Variants in CLN8 observed in about 807,000 individuals in gnomAD.
CLN8 encodes protein CLN8.
In CLN8, 14 loss-of-function variants were observed where a neutral mutation model predicts 15.7. The ratio of observed to expected loss-of-function variants is 0.89; its 90% confidence interval spans 0.59 to 1.39. The LOEUF (loss-of-function observed/expected upper bound fraction) is 1.39. CLN8 is among the 40% of genes most tolerant of loss of function. The pLI is 0.00. For missense variants in CLN8, 415 were observed against 364.0 expected (o/e 1.14, Z -1.14); for synonymous variants, 188 against 151.0 (o/e 1.25, Z -1.80).
chr8:1,766,538 C>G (rs1200487968), intron 1 of CLN8, among the ~76,000 whole-genome samples: 1 of 152,004 alleles, frequency 6.6e-6, no homozygotes, highest in South Asian at 2.1e-4. Context: ...TACAGGCGCT[C>G]GCCATCACGC....
chr8:1,779,418 T>C (rs1356516956), intron 2 of CLN8, among the ~76,000 whole-genome samples: 5 of 152,216 alleles, frequency 3.3e-5, no homozygotes, highest in Non-Finnish European at 7.3e-5. Flanking sequence ...AATTTTTTTG[T>C]ATTTTTATTA....
At chr8:1,761,713 A>G (rs987694428), upstream of CLN8, among the ~76,000 whole-genome samples, 2 of 152,246 alleles carry the variant, frequency 1.3e-5, no homozygotes, top group Non-Finnish European at 2.9e-5. Context: ...ATGAAATCGT[A>G]TGGATCAAAG....
At chr8:1,771,891 G>T (rs562300695) in intron 2 of CLN8, among the ~76,000 whole-genome samples, 1 of 151,644 alleles carries the variant, frequency 6.6e-6, no homozygotes, top group Non-Finnish European at 1.5e-5. Flanking sequence ...AGTAGATAGC[G>T]TCTGGAAGCA....
At chr8:1,755,611 G>T (rs955441914), upstream of CLN8, among the ~76,000 whole-genome samples, 1 of 152,182 alleles carries the variant, frequency 6.6e-6, no homozygotes, top group Non-Finnish European at 1.5e-5. Flanking sequence ...ATCACAACCG[G>T]TCTGCCCAGA....
At position 1,771,164 on chromosome 8, in the gene CLN8, G is replaced by C. The variant is rs1315551175; in HGVS notation, c.110G>C (p.Gly37Ala). 6.2e-7 allele frequency: 1 copy of C among 1,614,074 alleles called. No individual in the cohort carries two copies. Among genetic ancestry groups the C allele is most frequent in the East Asian group, 2.2e-5 (1 of 44,846 alleles). ...LMVAGFVFYL[G>A]VFVVCHQLSS... ...GTCGCTGGCTTTGTCTTCTACTTGG[G>C]CGTCTTTGTGGTCTGCCACCAGCTG... Residue 37 changes from glycine (G) to alanine (A), a missense_variant, in exon 2 of 3, where the codon GGC becomes GCC. Transcript: ENST00000331222.
chr8:1,780,791 G>A lies in CLN8; in HGVS notation c.*224G>A, dbSNP rs1034875391. The A allele has an allele frequency of 1.7e-5, 10 of 595,224 alleles. No individual in the cohort carries two copies. The highest frequency in any genetic ancestry group is 1.3e-4 in the South Asian group (6 of 47,830). The allele number at this position is 595,224 out of a possible 1,614,324, so 36.9% of individuals were successfully genotyped here. A position where few individuals can be genotyped will look rare whatever the true frequency, so the allele number is the denominator to read the frequency against. ...TCTGGCAGGCTCTGTCAGTTTAGCC[G>A]CGCCGGACCGTGTCAAGCATCTAGG... On this transcript the variant is annotated 3_prime_UTR_variant, in exon 3 of 3. Coordinates refer to ENST00000331222, the MANE Select transcript of CLN8 (RefSeq NM_018941.4).
chr8:1,775,268 T>C (rs887110045), intron 2 of CLN8, among the ~76,000 whole-genome samples: 1 of 152,216 alleles, frequency 6.6e-6, no homozygotes. Context: ...GCTTAGGTTA[T>C]ATGCACATAC....
chr8:1,766,113 C>G (rs918435756), intron 1 of CLN8, among the ~76,000 whole-genome samples: 3 of 152,194 alleles, frequency 2.0e-5, no homozygotes, highest in African/African-American at 2.4e-5. Context: ...AACACTCTTA[C>G]TGATGTGTTT....
At chr8:1,760,013 G>C (rs1265026877), upstream of CLN8, 1 of 152,110 alleles carries the variant, frequency 6.6e-6, no homozygotes, top group Non-Finnish European at 1.5e-5. Flanking sequence ...ACCTCACAAT[G>C]AGCGTATATT....
intron 1 of CLN8, among the ~76,000 whole-genome samples, chr8:1,768,706 C>T (rs886103186): frequency 5.3e-5 from 8 of 152,144 alleles, no homozygotes; most frequent in African/African-American, 1.7e-4. Context: ...TGCTGGTAAG[C>T]GGTCTCCCCT....
At chr8:1,773,270 G>C (rs1801385305) in intron 2 of CLN8, among the ~76,000 whole-genome samples, 1 of 152,160 alleles carries the variant, frequency 6.6e-6, no homozygotes, top group Non-Finnish European at 1.5e-5. Flanking sequence ...AAGTGAATGA[G>C]GGTGAGTGAG....
At chr8:1,758,525 C>G (rs1800722969) in intron 1 of CLN8, 1 of 152,334 alleles carries the variant, frequency 6.6e-6, no homozygotes, top group East Asian at 1.9e-4. Context: ...CCTGCCACCT[C>G]CATGACGTCA....
At position 1,756,836 on chromosome 8, in the gene CLN8, C is replaced by T. The variant is rs1264105879; in HGVS notation, c.-124+754C>T. Among the ~76,000 whole-genome samples, 7 of 152,092 alleles carry T rather than the reference C, an allele frequency of 4.6e-5. 1 individual carries two copies. The highest frequency in any genetic ancestry group is 2.6e-4 in the Admixed American group (4 of 15,272). On this transcript the variant is annotated intron_variant, in intron 1 of 1. Transcript: ENST00000524258. ...TAGCTAGGATTACAGGCAACCACCACCACACCTGGTTAATTTTTGTATTTT... is the reference window on the plus strand; with the variant it reads ...TAGCTAGGATTACAGGCAACCACCATCACACCTGGTTAATTTTTGTATTTT...
intron 2 of CLN8, among the ~76,000 whole-genome samples, chr8:1,778,883 G>A (rs1488828109): frequency 6.6e-6 from 1 of 152,190 alleles, no homozygotes; most frequent in Admixed American, 6.5e-5. Flanking sequence ...CCCACCATAA[G>A]TTAAAAATAT....
chr8:1,769,646 C>T (rs1008325147), intron 1 of CLN8, among the ~76,000 whole-genome samples: 2 of 152,220 alleles, frequency 1.3e-5, no homozygotes, highest in South Asian at 2.1e-4. Context: ...GGTTTCCTGC[C>T]GTGTAAAAGG....
At chr8:1,764,903 G>T (rs370721714) in intron 1 of CLN8, among the ~76,000 whole-genome samples, 1 of 152,214 alleles carries the variant, frequency 6.6e-6, no homozygotes, top group East Asian at 1.9e-4. Context: ...TAACTATCCA[G>T]CTTCTGCTTA....
intron 1 of CLN8, chr8:1,764,435 T>G (rs1352689002): frequency 1.3e-5 from 2 of 152,302 alleles, no homozygotes; most frequent in Non-Finnish European, 2.9e-5. Flanking sequence ...TCAGCTCACC[T>G]GTGTGCCCAC....
chr8:1,773,252 G>A (rs1801384931), intron 2 of CLN8, among the ~76,000 whole-genome samples: 1 of 152,180 alleles, frequency 6.6e-6, no homozygotes, highest in South Asian at 2.1e-4. Flanking sequence ...GCACCTCGGA[G>A]TTAAGGCAAG....
At chr8:1,780,105 A>G in intron 2 of CLN8, 145 bp from the exon 3 acceptor site, 1 of 1,513,792 alleles carries the variant, frequency 6.6e-7, no homozygotes, top group Non-Finnish European at 8.8e-7. Context: ...TCCCAATGAG[A>G]GCAGAGCCCT....
Sources: allele counts gnomAD v4.1 joint callset (sites outside exome capture counted in the v4.1 genomes callset), GRCh38; gene constraint gnomAD v4.1.1; transcripts MANE v1.5; gene names NCBI Gene and HGNC (gene_info 2026-07-23, HGNC 2026-07-21).